Variants in SWAP70 observed in about 807,000 individuals in gnomAD.
SWAP70 encodes switching B cell complex subunit SWAP70, also known as switch-associated protein 70.
In SWAP70, 34 loss-of-function variants were observed where a neutral mutation model predicts 80.2. The observed-to-expected ratio is 0.42, with a 90% CI of 0.32 to 0.56. The LOEUF (loss-of-function observed/expected upper bound fraction) is 0.56. Among genes scored for constraint, SWAP70 ranks in the 20% least tolerant of loss-of-function variants. The pLI is 0.09. For missense variants in SWAP70, 578 were observed against 690.7 expected (o/e 0.84, Z 1.83); for synonymous variants, 239 against 238.5 (o/e 1.00, Z -0.02).
intron 7 of SWAP70, among the ~76,000 whole-genome samples, chr11:9,736,376 C>T (rs1433346943): frequency 1.3e-5 from 2 of 148,306 alleles, no homozygotes; most frequent in African/African-American, 5.2e-5. Flanking sequence ...TTTCCGTTGC[C>T]TGCTTTTTCC....
At chr11:9,730,147 T>G (rs1048803769) in intron 6 of SWAP70, among the ~76,000 whole-genome samples, 1 of 152,138 alleles carries the variant, frequency 6.6e-6, no homozygotes, top group Non-Finnish European at 1.5e-5. Context: ...ATGTCTATTA[T>G]TCCTTGCTGT....
At chr11:9,722,129 A>G (rs1161862964) in intron 3 of SWAP70, among the ~76,000 whole-genome samples, 1 of 152,234 alleles carries the variant, frequency 6.6e-6, no homozygotes, top group Non-Finnish European at 1.5e-5. Context: ...TTAGTGGAGT[A>G]CCTACTATGT....
intron 4 of SWAP70, 38 bp from the exon 5 acceptor site, chr11:9,728,015 A>G (rs924256306): frequency 1.3e-6 from 2 of 1,549,740 alleles, no homozygotes; most frequent in Non-Finnish European, 1.7e-6. Context: ...CTTACAAATA[A>G]AAAGACAATA....
chr11:9,742,539 G>A (rs1244023258), intron 9 of SWAP70, among the ~76,000 whole-genome samples: 1 of 152,122 alleles, frequency 6.6e-6, no homozygotes, highest in African/African-American at 2.4e-5. Context: ...GTTTTGCCAT[G>A]TTGGCCAGGA....
At chr11:9,728,856 A>G (rs1252388527) in intron 5 of SWAP70, among the ~76,000 whole-genome samples, 2 of 152,204 alleles carry the variant, frequency 1.3e-5, no homozygotes, top group African/African-American at 2.4e-5. Context: ...TTAACTAAAC[A>G]TGGAGATCTA....
intron 5 of SWAP70, among the ~76,000 whole-genome samples, chr11:9,729,021 C>A (rs1355517828): frequency 6.6e-6 from 1 of 152,118 alleles, no homozygotes. Flanking sequence ...GAGTTAATAC[C>A]TCTTGTAACA....
chr11:9,703,364 G>T, intron 2 of SWAP70: 1 of 456,232 alleles, frequency 2.2e-6, no homozygotes, highest in Middle Eastern at 3.3e-4. Context: ...TCACTTTAGT[G>T]CAATCACGTT....
At position 9,708,927 on chromosome 11, in the gene SWAP70, G is replaced by T. The variant is rs1053783256; in HGVS notation, c.241-4539G>T. ...GAGCTAGCATTTGAGACAGAGTTGCGCTCTGTCACCCAGACTAGAGTGTGA... is the reference window on the plus strand; with the variant it reads ...GAGCTAGCATTTGAGACAGAGTTGCTCTCTGTCACCCAGACTAGAGTGTGA... On this transcript the variant is annotated intron_variant, in intron 2 of 11. Transcript: ENST00000318950. Among the ~76,000 whole-genome samples, 4 of 152,114 alleles carry T rather than the reference G, an allele frequency of 2.6e-5. No individual in the cohort carries two copies. The East Asian group carries it at 5.8e-4, about 22-fold the overall frequency.
rs1321604579 is a variant in SWAP70 at position 9,751,172 on chromosome 11, A to G, written c.*1202A>G. 4.6e-5 allele frequency: 7 copies of G among 152,242 alleles called. No individual in the cohort carries two copies. The highest frequency in any genetic ancestry group is 7.3e-5 in the Non-Finnish European group (5 of 68,046). The allele number at this position is 152,242 out of a possible 1,614,324, so 9.4% of individuals were successfully genotyped here. ...CTGCTAGTTAGATTCAAAACATCAT[A>G]AAGATGATAGCATGTCAATATATTA... On this transcript the variant is annotated 3_prime_UTR_variant, in exon 12 of 12. Coordinates refer to ENST00000318950, the MANE Select transcript of SWAP70 (RefSeq NM_015055.4).
intron 2 of SWAP70, among the ~76,000 whole-genome samples, chr11:9,712,047 T>G (rs1366363592): frequency 2.0e-5 from 3 of 152,208 alleles, no homozygotes; most frequent in African/African-American, 7.2e-5. Context: ...TTGATGCTGC[T>G]TGAGAACTCA....
chr11:9,727,610 A>T (rs1473049895), intron 4 of SWAP70, among the ~76,000 whole-genome samples: 1 of 152,212 alleles, frequency 6.6e-6, no homozygotes, highest in Non-Finnish European at 1.5e-5. Flanking sequence ...ATGAACTCCC[A>T]CATATGCATC....
intron 2 of SWAP70, among the ~76,000 whole-genome samples, chr11:9,712,346 CA>C (rs1851008802): frequency 6.6e-6 from 1 of 152,014 alleles, no homozygotes; most frequent in Non-Finnish European, 1.5e-5. Context: ...AATTTATTTG[CA>C]TATCTGTTTT....
Position 9,694,240 on chromosome 11 carries a change from C to T in SWAP70, c.194C>T (p.Ser65Phe). 6.2e-7 allele frequency: 1 copy of T among 1,613,146 alleles called. No individual in the cohort carries two copies. The highest frequency in any genetic ancestry group is 8.5e-7 in the Non-Finnish European group (1 of 1,179,566). ...AGGGATGATGATGAGGGTCCAGTGTCCAACCAGGGCTACATGCCTTATTTA... is the reference window on the plus strand; with the variant it reads ...AGGGATGATGATGAGGGTCCAGTGTTCAACCAGGGCTACATGCCTTATTTA... ...HFRDDDEGPV[S>F]NQGYMPYLNR... The change falls in exon 2 of 12, where the codon TCC (serine) becomes TTC (phenylalanine). Residue 65 changes from serine to phenylalanine, a missense_variant. By Grantham distance (155) the Ser-to-Phe change is radical (BLOSUM62 -2). Coordinates refer to ENST00000318950, the MANE Select transcript of SWAP70 (RefSeq NM_015055.4).
At chr11:9,716,246 T>C (rs1276827113) in intron 3 of SWAP70, among the ~76,000 whole-genome samples, 1 of 151,362 alleles carries the variant, frequency 6.6e-6, no homozygotes, top group African/African-American at 2.4e-5. Context: ...ACATGGGAGG[T>C]GAGAAGTTGA....
chr11:9,707,561 T>C (rs986529879), intron 2 of SWAP70, among the ~76,000 whole-genome samples: 10 of 149,126 alleles, frequency 6.7e-5, no homozygotes, highest in South Asian at 2.1e-4. Context: ...TCTTTTCTTT[T>C]TTTTTTTTTT....
chr11:9,747,529 A>G (rs941350207), intron 9 of SWAP70, among the ~76,000 whole-genome samples: 5 of 152,258 alleles, frequency 3.3e-5, no homozygotes, highest in East Asian at 1.9e-4. Context: ...TCTCTAAAAT[A>G]TGAGTAGCAG....
At chr11:9,679,827 C>G (rs1322059939) in intron 1 of SWAP70, among the ~76,000 whole-genome samples, 1 of 152,020 alleles carries the variant, frequency 6.6e-6, no homozygotes, top group Non-Finnish European at 1.5e-5. Flanking sequence ...CGCCACCACG[C>G]CTGGCAAATT....
intron 2 of SWAP70, among the ~76,000 whole-genome samples, chr11:9,697,351 C>T (rs1181295398): frequency 6.7e-6 from 1 of 150,214 alleles, no homozygotes; most frequent in Non-Finnish European, 1.5e-5. Context: ...GCCGCAATCT[C>T]GGCTCACAGC....
rs544610112 is a variant in SWAP70 at position 9,665,681 on chromosome 11, A to G, written c.99+1403A>G. On this transcript the variant is annotated intron_variant, in intron 1 of 11. Coordinates refer to ENST00000318950, the MANE Select transcript of SWAP70 (RefSeq NM_015055.4). ...TTTTACCCAGCATAATGCCTTAGAGATTAATCCATTTTGTTGTGTGTACCA... is the reference window on the plus strand; with the variant it reads ...TTTTACCCAGCATAATGCCTTAGAGGTTAATCCATTTTGTTGTGTGTACCA... 4.6e-5 allele frequency among the ~76,000 whole-genome samples: 7 copies of G among 152,314 alleles called. No individual in the cohort carries two copies. In the East Asian group the frequency reaches 7.7e-4, roughly 17 times the overall value.
Sources: allele counts gnomAD v4.1 joint callset (sites outside exome capture counted in the v4.1 genomes callset), GRCh38; gene constraint gnomAD v4.1.1; transcripts MANE v1.5; gene names NCBI Gene and HGNC (gene_info 2026-07-23, HGNC 2026-07-21).